The following TRPM7 variants were observed in gnomAD, a reference collection of about 807,000 sequenced individuals.
TRPM7 encodes the protein LTRPC ion channel family member 7.
In TRPM7, 134 loss-of-function variants were observed where a neutral mutation model predicts 229.7. That is an observed-to-expected ratio of 0.58 (90% CI 0.51 to 0.67). The LOEUF is 0.67. TRPM7 is among the 30% of genes least tolerant of loss of function. The pLI is 0.00. For synonymous variants in TRPM7, 699 were observed against 715.2 expected (o/e 0.98, Z 0.36); for missense variants, 1,901 against 2,210.0 (o/e 0.86, Z 2.80).
chr15:50,649,606 T>A (rs2061360863), intron 3 of TRPM7, among the ~76,000 whole-genome samples: 1 of 152,108 alleles, frequency 6.6e-6, no homozygotes, highest in African/African-American at 2.4e-5. Flanking sequence ...GTATACAAAA[T>A]TCAAGAAACC....
At chr15:50,638,704 G>GT (rs71124398) in intron 6 of TRPM7, among the ~76,000 whole-genome samples, 39 of 152,212 alleles carry the variant, frequency 2.6e-4, no homozygotes, top group Non-Finnish European at 4.4e-4. Context: ...ATGTATGTAT[G>GT]AGATGGAGTT....
chr15:50,572,163 T>G (rs989341706), intron 36 of TRPM7, among the ~76,000 whole-genome samples: 2 of 152,180 alleles, frequency 1.3e-5, no homozygotes, highest in South Asian at 4.1e-4. Flanking sequence ...CGTGAGCCTG[T>G]AGTCCCAGCT....
chr15:50,603,723 T>C (rs911848019), intron 21 of TRPM7, among the ~76,000 whole-genome samples: 1 of 152,154 alleles, frequency 6.6e-6, no homozygotes, highest in African/African-American at 2.4e-5. Context: ...TGATGGACAT[T>C]TGGGTTGGTT....
At chr15:50,599,391 T>C (rs2140403476) in intron 21 of TRPM7, 95 bp from the exon 22 acceptor site, 1 of 807,244 alleles carries the variant, frequency 1.2e-6, no homozygotes, top group Non-Finnish European at 1.8e-6. Context: ...ACCAAAAAAA[T>C]CCATTAAACA....
At chr15:50,679,483 T>TA (rs1261064042) in intron 1 of TRPM7, among the ~76,000 whole-genome samples, 1 of 140,742 alleles carries the variant, frequency 7.1e-6, no homozygotes, top group Non-Finnish European at 1.5e-5. Context: ...TTTATATATA[T>TA]ATATATTATA....
At chr15:50,575,673 T>C (rs2054096170) in intron 33 of TRPM7, 51 bp downstream of exon 33, 1 of 1,485,262 alleles carries the variant, frequency 6.7e-7, no homozygotes, top group Non-Finnish European at 9.2e-7. Flanking sequence ...TAGCTAAAAA[T>C]CATTAAAGGG....
In TRPM7 at chr15:50,628,256, G is replaced by A. The variant is rs757425713; in HGVS notation, c.1205-7C>T. On this transcript the variant is annotated splice_polypyrimidine_tract_variant and splice_region_variant and intron_variant, in intron 10 of 38. Coordinates refer to ENST00000646667, the MANE Select transcript of TRPM7 (RefSeq NM_017672.6). ...AATGCAGATGCATTAGTACCTAATC[G>A]AATAAAGAAAATAGTTGACAGGTTC... The A allele has an allele frequency of 1.0e-5, 16 of 1,585,896 alleles. No homozygotes were observed. The highest frequency in any genetic ancestry group is 1.9e-4 in the Middle Eastern group (1 of 5,350).
At position 50,561,055 on chromosome 15, in the gene TRPM7, A is replaced by G. The variant is rs981844235; in HGVS notation, c.*623T>C. 5 of 152,644 alleles carry G rather than the reference A, an allele frequency of 3.3e-5. No individual in the cohort carries two copies. The highest frequency in any genetic ancestry group is 9.6e-5 in the African/African-American group (4 of 41,552). 9.5% of individuals were successfully genotyped at this position (152,644 alleles called of 1,614,324 possible). On this transcript the variant is annotated 3_prime_UTR_variant, in exon 39 of 39. Coordinates refer to ENST00000646667, the MANE Select transcript of TRPM7 (RefSeq NM_017672.6). The stretch of plus-strand genomic sequence containing the variant: ...CTATTTAAAAAAAAAAACTGGCTCT[A>G]TCTTTAAATATGGAGCCTAACCCTG...
intron 27 of TRPM7, among the ~76,000 whole-genome samples, chr15:50,587,751 T>C (rs1338255122): frequency 6.6e-6 from 1 of 151,988 alleles, no homozygotes; most frequent in East Asian, 1.9e-4. Context: ...AAAAAGAAAA[T>C]GTGATGAACT....
chr15:50,581,418 G>C (rs184855371), intron 29 of TRPM7, among the ~76,000 whole-genome samples: 1 of 151,908 alleles, frequency 6.6e-6, no homozygotes, highest in Non-Finnish European at 1.5e-5. Context: ...AGAATCACTT[G>C]AATCTGGGAG....
intron 28 of TRPM7, among the ~76,000 whole-genome samples, chr15:50,585,261 C>T (rs2054641586): frequency 6.6e-6 from 1 of 152,118 alleles, no homozygotes; most frequent in Admixed American, 6.5e-5. Context: ...CGGGGTTTCA[C>T]CTTGTTAACC....
At chr15:50,613,124 A>G (rs2060109248) in intron 15 of TRPM7, among the ~76,000 whole-genome samples, 1 of 152,250 alleles carries the variant, frequency 6.6e-6, no homozygotes, top group Non-Finnish European at 1.5e-5. Flanking sequence ...TTTGTTATAC[A>G]TGTTCTTAAT....
intron 3 of TRPM7, among the ~76,000 whole-genome samples, chr15:50,656,485 T>C (rs1390166426): frequency 6.6e-6 from 1 of 150,832 alleles, no homozygotes; most frequent in Non-Finnish European, 1.5e-5. Flanking sequence ...GCCAAGATTT[T>C]TGTGTGTGGT....
chr15:50,614,496 C>G lies in TRPM7; in HGVS notation c.1495-233G>C, dbSNP rs1051057586. 5.9e-5 allele frequency among the ~76,000 whole-genome samples: 9 copies of G among 152,028 alleles called. No individual in the cohort carries two copies. The highest frequency in any genetic ancestry group is 2.9e-5 in the Non-Finnish European group (2 of 68,002). ...TGACCAACATGATGAAACCCCTTCT[C>G]TACTAAAAATACAAAAAAATTAGCC... On this transcript the variant is annotated intron_variant, in intron 13 of 38. Coordinates refer to ENST00000646667, the MANE Select transcript of TRPM7 (RefSeq NM_017672.6).
In TRPM7 at chr15:50,575,937, C is replaced by T. The variant is rs1435582597; in HGVS notation, c.4619-18G>A. 6.2e-7 allele frequency: 1 copy of T among 1,610,682 alleles called. No individual in the cohort carries two copies. Among genetic ancestry groups the T allele is most frequent in the Non-Finnish European group, 8.5e-7 (1 of 1,178,946 alleles). On this transcript the variant is annotated intron_variant, in intron 31 of 38. Coordinates refer to ENST00000646667, the MANE Select transcript of TRPM7 (RefSeq NM_017672.6). ...AGTGAGACCTAGAATGGCAAATAAA[C>T]AAACGAGACCATTTAAAAAGTACTA...
At chr15:50,582,950 A>G in intron 29 of TRPM7, 139 bp downstream of exon 29, 1 of 471,454 alleles carries the variant, frequency 2.1e-6, no homozygotes, top group Non-Finnish European at 3.6e-6. Context: ...TGTAACTGCT[A>G]CTATGCTAAA....
chr15:50,676,743 T>A (rs1442102424), intron 1 of TRPM7, among the ~76,000 whole-genome samples: 1 of 152,062 alleles, frequency 6.6e-6, no homozygotes, highest in Non-Finnish European at 1.5e-5. Flanking sequence ...CAGCAAAATA[T>A]CAATAGAAAT....
chr15:50,651,059 C>T (rs1015998128), intron 3 of TRPM7, among the ~76,000 whole-genome samples: 1 of 151,998 alleles, frequency 6.6e-6, no homozygotes, highest in Non-Finnish European at 1.5e-5. Context: ...TGGTGATGCA[C>T]GCCTGTAGTC....
chr15:50,585,025 G>T (rs1020328157), intron 28 of TRPM7, among the ~76,000 whole-genome samples: 1 of 147,672 alleles, frequency 6.8e-6, no homozygotes, highest in Non-Finnish European at 1.5e-5. Context: ...ACAGACGTGC[G>T]CCACCACATC....
Sources: allele counts gnomAD v4.1 joint callset (sites outside exome capture counted in the v4.1 genomes callset), GRCh38; gene constraint gnomAD v4.1.1; transcripts MANE v1.5; gene names NCBI Gene and HGNC (gene_info 2026-07-23, HGNC 2026-07-21).